Variants in ATRNL1 observed in about 807,000 individuals in gnomAD.
ATRNL1 encodes attractin like 1, also known as attractin-like protein 1.
ATRNL1 carries 95 observed loss-of-function variants against 182.7 expected under a neutral mutation model. The observed-to-expected ratio is 0.52, with a 90% CI of 0.44 to 0.62. The LOEUF is 0.62. ATRNL1 is among the 20% of genes least tolerant of loss of function. ATRNL1 has a pLI of 0.00. For missense variants in ATRNL1, 1,471 were observed against 1,679.5 expected (o/e 0.88, Z 2.17); for synonymous variants, 576 against 568.3 (o/e 1.01, Z -0.19).
chr10:115,705,675 ACTG>A (rs1431675281), intron 26 of ATRNL1, among the ~76,000 whole-genome samples: 1 of 151,966 alleles, frequency 6.6e-6, no homozygotes, highest in Non-Finnish European at 1.5e-5. Flanking sequence ...CTGTAAGATC[ACTG>A]TCATAATAAA....
intron 19 of ATRNL1, among the ~76,000 whole-genome samples, chr10:115,347,893 A>G (rs541411354): frequency 7.5e-4 from 114 of 152,322 alleles, no homozygotes; most frequent in African/African-American, 2.6e-3. Flanking sequence ...ACAATGTTAA[A>G]TGCTTGGGCT....
At chr10:115,658,836 C>T (rs1860498391) in intron 26 of ATRNL1, among the ~76,000 whole-genome samples, 1 of 152,106 alleles carries the variant, frequency 6.6e-6, no homozygotes. Context: ...TATAAAGGAA[C>T]AAGTTTAATT....
chr10:115,114,037 T>TA (rs1554869076), intron 1 of ATRNL1, among the ~76,000 whole-genome samples: 1 of 152,106 alleles, frequency 6.6e-6, no homozygotes, highest in African/African-American at 2.4e-5. Context: ...AACAGCGTGA[T>TA]ACCTGCATAA....
intron 26 of ATRNL1, among the ~76,000 whole-genome samples, chr10:115,612,323 A>G (rs1282660278): frequency 3.3e-5 from 5 of 152,126 alleles, no homozygotes; most frequent in African/African-American, 9.7e-5. Context: ...CAAACTCACC[A>G]TAATAACCTG....
In ATRNL1 at chr10:115,105,058, A is replaced by G. The variant is rs141784062; in HGVS notation, c.293+11015A>G. 8.6e-3 allele frequency among the ~76,000 whole-genome samples: 1,312 copies of G among 151,988 alleles called. 7 individuals are homozygous for G. The highest frequency in any genetic ancestry group is 0.014 in the Non-Finnish European group (946 of 67,986). On this transcript the variant is annotated intron_variant, in intron 1 of 28. Coordinates refer to ENST00000355044, the MANE Select transcript of ATRNL1 (RefSeq NM_207303.4). ...TCTGGGTCTTTTTGGCTCTGCATAT[A>G]TTTTATGATTTTTTTTCTATTTTTG...
At chr10:115,733,424 G>A (rs1202902970) in intron 27 of ATRNL1, among the ~76,000 whole-genome samples, 16 of 152,168 alleles carry the variant, frequency 1.1e-4, no homozygotes, top group African/African-American at 3.9e-4. Flanking sequence ...TTTCTATTTG[G>A]TAGCTCTAAC....
intron 20 of ATRNL1, among the ~76,000 whole-genome samples, chr10:115,416,702 C>G (rs1344853129): frequency 1.3e-5 from 2 of 152,068 alleles, no homozygotes; most frequent in East Asian, 1.9e-4. Flanking sequence ...TTCAACCATT[C>G]CTTTGTAAAA....
At chr10:115,669,875 T>C (rs898289998) in intron 26 of ATRNL1, among the ~76,000 whole-genome samples, 8 of 152,216 alleles carry the variant, frequency 5.3e-5, no homozygotes, top group Non-Finnish European at 1.2e-4. Context: ...CAGCTGAATG[T>C]AAAAACTGAG....
chr10:115,525,112 T>C (rs1165805443), intron 25 of ATRNL1, among the ~76,000 whole-genome samples: 1 of 152,140 alleles, frequency 6.6e-6, no homozygotes, highest in Non-Finnish European at 1.5e-5. Flanking sequence ...TTAGCTGAAA[T>C]CTGGGAACTG....
chr10:115,391,581 A>G (rs1844021615), intron 19 of ATRNL1, among the ~76,000 whole-genome samples: 1 of 151,746 alleles, frequency 6.6e-6, no homozygotes, highest in African/African-American at 2.4e-5. Flanking sequence ...GAGGGGTAAT[A>G]TGGATAATAT....
At chr10:115,836,775 CTTTTAGAA>C (rs1485017766) in intron 27 of ATRNL1, among the ~76,000 whole-genome samples, 53 of 152,290 alleles carry the variant, frequency 3.5e-4, no homozygotes, top group Middle Eastern at 3.4e-3. Context: ...TAAACATGAA[CTTTTAGAA>C]GATGCTATTC....
At chr10:115,469,358 G>T in intron 24 of ATRNL1, 29 bp downstream of exon 24, 2 of 1,407,430 alleles carry the variant, frequency 1.4e-6, no homozygotes, top group South Asian at 2.9e-5. Flanking sequence ...TACTTCTAAT[G>T]ACCATAATAT....
chr10:115,708,082 A>T (rs958848850), intron 26 of ATRNL1, among the ~76,000 whole-genome samples: 2 of 151,628 alleles, frequency 1.3e-5, no homozygotes, highest in Admixed American at 6.6e-5. Flanking sequence ...AATTTATATA[A>T]AATAATCATT....
chr10:115,920,261 AGGTC>A (rs1209605725), intron 28 of ATRNL1, among the ~76,000 whole-genome samples: 4 of 152,302 alleles, frequency 2.6e-5, no homozygotes, highest in African/African-American at 9.6e-5. Flanking sequence ...GATATCCAGC[AGGTC>A]ACTCTAAACT....
chr10:115,848,921 A>T (rs550783042), intron 28 of ATRNL1, among the ~76,000 whole-genome samples: 1 of 152,322 alleles, frequency 6.6e-6, no homozygotes, highest in African/African-American at 2.4e-5. Flanking sequence ...ACAGTAATTG[A>T]TGATGAACCG....
In ATRNL1 at chr10:115,165,635, C is replaced by A; in HGVS notation, c.1082C>A (p.Ala361Asp). ...GPLQRYGHSL[A>D]LYQENIFMYG... ...CTCCAGAGATATGGACACTCTCTTG[C>A]TTTATATCAGGTATGGCTCCTGCTT... is the stretch of plus-strand genomic sequence containing the variant. Residue 361 changes from alanine (A) to aspartate (D), a missense_variant, in exon 7 of 29, where the codon GCT (alanine) becomes GAT (aspartate). By Grantham distance (126) the Ala-to-Asp change is moderately radical. Around this residue, in one of 3 missense-constraint regions of ATRNL1, gnomAD observed 1,031 missense variants for 1,156.0 expected, o/e 0.89. Transcript: ENST00000355044. The A allele has an allele frequency of 3.3e-6, 5 of 1,515,416 alleles. No individual in the cohort carries two copies. Among genetic ancestry groups the A allele is most frequent in the Non-Finnish European group, 4.5e-6 (5 of 1,117,906 alleles). The allele number at this position is 1,515,416 out of a possible 1,614,324, so 93.9% of individuals were successfully genotyped here.
chr10:115,441,688 C>T (rs932306385), intron 21 of ATRNL1, among the ~76,000 whole-genome samples: 2 of 151,914 alleles, frequency 1.3e-5, no homozygotes, highest in Non-Finnish European at 2.9e-5. Flanking sequence ...AAGTCATATT[C>T]AGTATTTTCA....
intron 25 of ATRNL1, among the ~76,000 whole-genome samples, chr10:115,527,677 A>G (rs1851294218): frequency 6.6e-6 from 1 of 152,128 alleles, no homozygotes; most frequent in Non-Finnish European, 1.5e-5. Flanking sequence ...GTTTCATTTT[A>G]TAAATTCATT....
At chr10:115,520,550 A>G (rs1351890505) in intron 25 of ATRNL1, among the ~76,000 whole-genome samples, 1 of 152,198 alleles carries the variant, frequency 6.6e-6, no homozygotes, top group Non-Finnish European at 1.5e-5. Flanking sequence ...GCCTGTGGAC[A>G]TAATTTGCCC....
Sources: gnomAD v4.1 joint callset for allele counts (sites outside exome capture counted in the v4.1 genomes callset) on GRCh38, gnomAD v4.1.1 for gene constraint, gnomAD v4.1.1 regional missense constraint, MANE v1.5 for transcripts, NCBI Gene and HGNC (gene_info 2026-07-23, HGNC 2026-07-21) for gene names.